PPP1R15A: variants seen among roughly 807,000 people sequenced by gnomAD.
PPP1R15A encodes protein phosphatase 1 regulatory subunit 15A, also known as growth arrest and DNA damage-inducible protein GADD34.
In PPP1R15A, 43 loss-of-function variants were observed where a neutral mutation model predicts 48.5. That is an observed-to-expected ratio of 0.89 (90% CI 0.69 to 1.14). PPP1R15A has a LOEUF of 1.14. Ranked by LOEUF, PPP1R15A falls within the 50% of genes most tolerant of loss-of-function variation. The probability of loss-of-function intolerance (pLI) is 0.00; values close to 1 mark genes in which losing one functional copy is unlikely to be tolerated. For missense variants in PPP1R15A, 868 were observed against 847.2 expected, an observed-to-expected ratio of 1.02 and a Z score of -0.30; for synonymous variants, 327 against 327.4, an observed-to-expected ratio of 1.00 and a Z score of 0.01.
rs746891790 is a variant in PPP1R15A at position 48,873,918 on chromosome 19, A to AATC, written c.687_689dup (p.Asn229_Gln230insHis). 8.7e-6 allele frequency: 14 copies of AATC among 1,614,098 alleles called. No homozygotes were observed. The South Asian group carries it at 1.4e-4, about 16-fold the overall frequency. On this transcript the variant is annotated inframe_insertion, in exon 2 of 3. Coordinates refer to ENST00000200453, the MANE Select transcript of PPP1R15A (RefSeq NM_014330.5). Reference sequence around the variant, plus strand: ...GGTGTCTTGCCCAGGGGAGGAAGAGAATCAAGCCACGGAGGATAAAAGAAC... The same window carrying AATC: ...GGTGTCTTGCCCAGGGGAGGAAGAGAATCATCAAGCCACGGAGGATAAAAGAAC...
Position 48,874,587 on chromosome 19 carries a change from G to A in PPP1R15A, c.1354G>A (p.Asp452Asn). Residue 452 changes from aspartate to asparagine, a missense_variant, in exon 2 of 3, where the codon GAT (aspartate) becomes AAT (asparagine). Coordinates refer to ENST00000200453, the MANE Select transcript of PPP1R15A (RefSeq NM_014330.5). ...GGAAGATGAGGATGTGGATAGTGAGGATAAGGAAGATGATTCAGAAGCAGC... is the reference window on the plus strand; with the variant it reads ...GGAAGATGAGGATGTGGATAGTGAGAATAAGGAAGATGATTCAGAAGCAGC... ...EEEDEDVDSE[D>N]KEDDSEAALG... 2 of 1,614,202 alleles carry A rather than the reference G, an allele frequency of 1.2e-6. No individual in the cohort carries two copies. The highest frequency in any genetic ancestry group is 1.1e-5 in the South Asian group (1 of 91,084).
chr19:48,875,505 G>A (rs918204537), intron 2 of PPP1R15A, 109 bp from the exon 3 acceptor site: 4 of 1,381,852 alleles, frequency 2.9e-6, no homozygotes, highest in Admixed American at 2.3e-5. Flanking sequence ...AAGCATTTTT[G>A]TGTAATAACT....
chr19:48,872,626 C>T lies in PPP1R15A; in HGVS notation c.-35C>T, dbSNP rs1047095847. ...GCAGACCGAACCGGCGCTCCTGCCC[C>T]CGGGGTGACGCGCAGCTCCCAGCCG... On this transcript the variant is annotated 5_prime_UTR_variant, in exon 1 of 3. Transcript: ENST00000200453. 2 of 383,084 alleles carry T rather than the reference C, an allele frequency of 5.2e-6. No individual in the cohort carries two copies. Among genetic ancestry groups the T allele is most frequent in the African/African-American group, 4.2e-5 (2 of 48,088 alleles). 23.7% of individuals were successfully genotyped at this position (383,084 alleles called of 1,614,324 possible). A position where few individuals can be genotyped will look rare whatever the true frequency, so the allele number is the denominator to read the frequency against.
In PPP1R15A at chr19:48,875,841, C is replaced by G; in HGVS notation, c.1893C>G (p.Thr631=). The change falls in exon 3 of 3, where the codon ACC becomes ACG. Residue 631 remains threonine (T), a synonymous_variant. Transcript: ENST00000200453. ...CTTTAGCCCCCATCCCTGCCCTCACCCAGACCTTGCCTTCCTCCTCTGTCC... is the reference window on the plus strand; with the variant it reads ...CTTTAGCCCCCATCCCTGCCCTCACGCAGACCTTGCCTTCCTCCTCTGTCC... ...NPPLAPIPAL[T]QTLPSSSVPS... The G allele has an allele frequency of 3.7e-6, 6 of 1,614,106 alleles. No homozygotes were observed.
rs2037053240 is a variant in PPP1R15A at position 48,874,451 on chromosome 19, T to C, written c.1218T>C (p.Asp406=). 6.2e-7 allele frequency: 1 copy of C among 1,613,706 alleles called. No individual in the cohort carries two copies. The highest frequency in any genetic ancestry group is 8.5e-7 in the Non-Finnish European group (1 of 1,179,956). ...DTEEEEDEDS[D]TGSAEDEREA... ...AGGAGGAGGAAGATGAGGACAGTGA[T>C]ACAGGATCAGCCGAGGATGAAAGAG... The change falls in exon 2 of 3, where the codon GAT becomes GAC. Residue 406 remains aspartate (D), a synonymous_variant. Transcript: ENST00000200453.
chr19:48,873,722 C>A lies in PPP1R15A; in HGVS notation c.489C>A (p.Ala163=). 2 of 1,613,880 alleles carry A rather than the reference C, an allele frequency of 1.2e-6. No homozygotes were observed. The highest frequency in any genetic ancestry group is 1.7e-5 in the Admixed American group (1 of 59,982). ...ATAAGAACCCAGGGGAGGAGAAAGCCGAGGAAGAGGGAGTTGCTGAAGAGG... is the reference window on the plus strand; with the variant it reads ...ATAAGAACCCAGGGGAGGAGAAAGCAGAGGAAGAGGGAGTTGCTGAAGAGG... ...GSDKNPGEEK[A]EEEGVAEEEG... The change falls in exon 2 of 3, where the codon GCC becomes GCA. Residue 163 remains alanine, a synonymous_variant. Transcript: ENST00000200453.
Position 48,874,834 on chromosome 19 carries a change from G to T in PPP1R15A, c.1601G>T (p.Arg534Leu). The T allele has an allele frequency of 6.2e-7, 1 of 1,611,996 alleles. No homozygotes were observed. The highest frequency in any genetic ancestry group is 8.5e-7 in the Non-Finnish European group (1 of 1,179,534). ...PPRLPLRLQR[R>L]LKRPETPTHD... Reference sequence around the variant, plus strand: ...AGGCTGCCCCTCCGACTGCAAAGGCGGCTCAAGCGCCCAGAAACCCCTACT... The same window carrying T: ...AGGCTGCCCCTCCGACTGCAAAGGCTGCTCAAGCGCCCAGAAACCCCTACT... Residue 534 changes from arginine (R) to leucine (L), a missense_variant, in exon 2 of 3, where the codon CGG becomes CTG. Physicochemically the swap from Arg to Leu is moderately radical, Grantham distance 102. Coordinates refer to ENST00000200453, the MANE Select transcript of PPP1R15A (RefSeq NM_014330.5).
chr19:48,874,676 C>T lies in PPP1R15A; in HGVS notation c.1443C>T (p.Gly481=), dbSNP rs372192564. The change falls in exon 2 of 3, where the codon GGC becomes GGT. Residue 481 remains glycine (G), a synonymous_variant. Transcript: ENST00000200453. ...SHPDQRAHFR[G]WGYRPGKETE... ...CGGACCAGAGGGCCCACTTCAGGGG[C>T]TGGGGATATCGACCTGGAAAAGAGA... 2 of 1,613,798 alleles carry T rather than the reference C, an allele frequency of 1.2e-6. No individual in the cohort carries two copies. The highest frequency in any genetic ancestry group is 2.2e-5 in the South Asian group (2 of 91,062).
At position 48,873,301 on chromosome 19, in the gene PPP1R15A, C is replaced by A; in HGVS notation, c.68C>A (p.Ser23Tyr). ...GATGCCCACCCTTTCTTCCTCCTGTCCCCAGTGATGGGCCTCCTCAGCCGC... is the reference window on the plus strand; with the variant it reads ...GATGCCCACCCTTTCTTCCTCCTGTACCCAGTGATGGGCCTCCTCAGCCGC... ...WRDAHPFFLL[S>Y]PVMGLLSRAW... is the part of the protein sequence containing the mutation. Residue 23 changes from serine to tyrosine, a missense_variant, in exon 2 of 3, where the codon TCC becomes TAC. Ser to Tyr is a moderately radical substitution (Grantham distance 144). Transcript: ENST00000200453. The A allele has an allele frequency of 6.9e-6, 11 of 1,598,222 alleles. No individual in the cohort carries two copies. Among genetic ancestry groups the A allele is most frequent in the Non-Finnish European group, 8.5e-6 (10 of 1,173,798 alleles).
At position 48,873,991 on chromosome 19, in the gene PPP1R15A, C is replaced by T. The variant is rs1270285691; in HGVS notation, c.758C>T (p.Ser253Leu). 4 of 1,614,048 alleles carry T rather than the reference C, an allele frequency of 2.5e-6. No homozygotes were observed. Among genetic ancestry groups the T allele is most frequent in the African/African-American group, 1.3e-5 (1 of 74,920 alleles). The change falls in exon 2 of 3, where the codon TCA becomes TTA. Residue 253 changes from serine (S) to leucine (L), a missense_variant. Coordinates refer to ENST00000200453, the MANE Select transcript of PPP1R15A (RefSeq NM_014330.5). ...AAGACCTCCGTGTCCCCCCGATCTTCAGGCTCCGACCCCAGGTCCTGGGAG... is the reference window on the plus strand; with the variant it reads ...AAGACCTCCGTGTCCCCCCGATCTTTAGGCTCCGACCCCAGGTCCTGGGAG... ...ARKTSVSPRS[S>L]GSDPRSWEYR...
Position 48,875,636 on chromosome 19 carries a change from C to T in PPP1R15A, c.1688C>T (p.Thr563Ile), listed in dbSNP as rs1190213348. ...ARKVRFSEKV[T>I]VHFLAVWAGP... ...CAGGTGCGCTTCTCCGAGAAGGTCA[C>T]TGTCCATTTCCTGGCTGTCTGGGCA... The change falls in exon 3 of 3, where the codon ACT becomes ATT. Residue 563 changes from threonine (T) to isoleucine (I), a missense_variant. Physicochemically the swap from Thr to Ile is moderately conservative, Grantham distance 89. Transcript: ENST00000200453. The T allele has an allele frequency of 6.2e-7, 1 of 1,602,392 alleles. No individual in the cohort carries two copies. The highest frequency in any genetic ancestry group is 8.5e-7 in the Non-Finnish European group (1 of 1,174,092).
In PPP1R15A at chr19:48,872,454, T is replaced by C. The variant is rs2037019184; in HGVS notation, c.-207T>C. On this transcript the variant is annotated 5_prime_UTR_variant, in exon 1 of 3. Transcript: ENST00000200453. The stretch of plus-strand genomic sequence containing the variant: ...CGGTTCCCATCCCAGTTGTTGATCT[T>C]ATGCAAGACGCTGCACGACCCCGCG... The C allele has an allele frequency of 2.2e-6, 1 of 456,382 alleles. No homozygotes were observed. The highest frequency in any genetic ancestry group is 6.9e-5 in the East Asian group (1 of 14,394). The allele number at this position is 456,382 out of a possible 1,614,324, so 28.3% of individuals were successfully genotyped here.
chr19:48,873,963 A>G lies in PPP1R15A; in HGVS notation c.730A>G (p.Arg244Gly), dbSNP rs775690405. The change falls in exon 2 of 3, where the codon AGG becomes GGG. Residue 244 changes from arginine to glycine, a missense_variant. Coordinates refer to ENST00000200453, the MANE Select transcript of PPP1R15A (RefSeq NM_014330.5). ...DKRTERSKGA[R>G]KTSVSPRSSG... Reference sequence around the variant, plus strand: ...AAGAACAGAAAGAAGTAAAGGAGCCAGGAAGACCTCCGTGTCCCCCCGATC... The same window carrying G: ...AAGAACAGAAAGAAGTAAAGGAGCCGGGAAGACCTCCGTGTCCCCCCGATC... 1.9e-6 allele frequency: 3 copies of G among 1,614,046 alleles called. No individual in the cohort carries two copies. Among genetic ancestry groups the G allele is most frequent in the East Asian group, 2.2e-5 (1 of 44,886 alleles).
chr19:48,874,923 A>ATTT (rs146617539), intron 2 of PPP1R15A, 25 bp downstream of exon 2: 149,271 of 1,318,098 alleles, frequency 0.11, 1,425 homozygotes, highest in Non-Finnish European at 0.13. Flanking sequence ...CCCAGATTCT[A>ATTT]TTTTTTTTTT....
In PPP1R15A at chr19:48,873,350, G is replaced by A; in HGVS notation, c.117G>A (p.Leu39=). ...GCGCCTGGAGCCGCCTGAGGGGCCT[G>A]GGACCTCTAGAGCCCTGGCTGGTGG... The part of the protein sequence containing the change: ...LSRAWSRLRG[L]GPLEPWLVEA... Residue 39 remains leucine, a synonymous_variant, in exon 2 of 3, where the codon CTG becomes CTA. Coordinates refer to ENST00000200453, the MANE Select transcript of PPP1R15A (RefSeq NM_014330.5). 1 of 1,613,574 alleles carries A rather than the reference G, an allele frequency of 6.2e-7. No individual in the cohort carries two copies.
rs1177189809 is a variant in PPP1R15A at position 48,872,434 on chromosome 19, C to G, written c.-227C>G. 1 of 456,386 alleles carries G rather than the reference C, an allele frequency of 2.2e-6. No individual in the cohort carries two copies. The highest frequency in any genetic ancestry group is 4.4e-6 in the Non-Finnish European group (1 of 226,804). 28.3% of individuals were successfully genotyped at this position (456,386 alleles called of 1,614,324 possible). The stretch of plus-strand genomic sequence containing the variant: ...ATTGTGTTCGTTGCTCTTATCGGTT[C>G]CCATCCCAGTTGTTGATCTTATGCA... On this transcript the variant is annotated 5_prime_UTR_variant, in exon 1 of 3. Transcript: ENST00000200453.
Position 48,873,261 on chromosome 19 carries a change from G to A in PPP1R15A, c.28G>A (p.Ala10Thr), listed in dbSNP as rs1333802846. Reference sequence around the variant, plus strand: ...GGCCCCAGGCCAAGCACCCCATCAGGCTACCCCGTGGAGGGATGCCCACCC... The same window carrying A: ...GGCCCCAGGCCAAGCACCCCATCAGACTACCCCGTGGAGGGATGCCCACCC... Reference protein sequence around the residue: MAPGQAPHQATPWRDAHPFF... With the variant: MAPGQAPHQTTPWRDAHPFF... Residue 10 changes from alanine to threonine, a missense_variant, in exon 2 of 3, where the codon GCT (alanine) becomes ACT (threonine). Transcript: ENST00000200453. 1 of 1,550,908 alleles carries A rather than the reference G, an allele frequency of 6.4e-7. No homozygotes were observed. The highest frequency in any genetic ancestry group is 2.3e-5 in the East Asian group (1 of 44,390).
At chr19:48,875,560 C>G in intron 2 of PPP1R15A, 54 bp from the exon 3 acceptor site, 13 of 1,516,420 alleles carry the variant, frequency 8.6e-6, no homozygotes, top group Non-Finnish European at 1.1e-5. Context: ...CCTCCCCATC[C>G]GGATTCCCGT....
chr19:48,873,945 GAA>G lies in PPP1R15A; in HGVS notation c.714_715del (p.Arg239LysfsTer2), dbSNP rs1205828848. 1 of 1,613,926 alleles carries G rather than the reference GAA, an allele frequency of 6.2e-7. No individual in the cohort carries two copies. Among genetic ancestry groups the G allele is most frequent in the Non-Finnish European group, 8.5e-7 (1 of 1,179,986 alleles). ...ENQATEDKRT[E>X]RSKGARKTSV... ...TCAAGCCACGGAGGATAAAAGAACA[GAA>G]AGAAGTAAAGGAGCCAGGAAGACCT... On this transcript the variant is annotated frameshift_variant, in exon 2 of 3. Coordinates refer to ENST00000200453, the MANE Select transcript of PPP1R15A (RefSeq NM_014330.5). LOFTEE classifies it high-confidence loss of function.
Sources: gnomAD v4.1 joint callset for allele counts on GRCh38, gnomAD v4.1.1 for gene constraint, MANE v1.5 for transcripts, NCBI Gene and HGNC (gene_info 2026-07-23, HGNC 2026-07-21) for gene names.